Variants in PACRG observed in about 807,000 individuals in gnomAD.
The protein encoded by PACRG is parkin coregulated gene protein.
In PACRG, 29 loss-of-function variants were observed where a neutral mutation model predicts 29.7. That is an observed-to-expected ratio of 0.98 (90% CI 0.73 to 1.33). The LOEUF (loss-of-function observed/expected upper bound fraction) is 1.33. Among genes scored for constraint, PACRG ranks in the 40% most tolerant of loss-of-function variants. The pLI is 0.00. For synonymous variants in PACRG, 116 were observed against 118.7 expected (o/e 0.98, Z 0.15); for missense variants, 279 against 316.2 (o/e 0.88, Z 0.89).
At chr6:163,073,691 G>A (rs1812283951) in intron 3 of PACRG, among the ~76,000 whole-genome samples, 1 of 152,154 alleles carries the variant, frequency 6.6e-6, no homozygotes, top group Non-Finnish European at 1.5e-5. Context: ...CATCTGACAA[G>A]GGATTAACAG....
intron 4 of PACRG, among the ~76,000 whole-genome samples, chr6:163,256,217 T>G (rs1314576374): frequency 6.6e-6 from 1 of 152,226 alleles, no homozygotes; most frequent in Non-Finnish European, 1.5e-5. Context: ...CCTCCCCCAC[T>G]GCTTTGTACT....
intron 2 of PACRG, among the ~76,000 whole-genome samples, chr6:163,019,253 G>C (rs537433224): frequency 6.6e-6 from 1 of 152,254 alleles, no homozygotes. Context: ...TCTTTTAGAA[G>C]GGAGGATTGG....
intron 1 of PACRG, among the ~76,000 whole-genome samples, chr6:162,760,911 A>G (rs1169028458): frequency 6.6e-6 from 1 of 152,216 alleles, no homozygotes. Context: ...ATGGGGACTC[A>G]GATGAGGGTT....
chr6:162,904,564 A>G (rs1179338507), intron 2 of PACRG, among the ~76,000 whole-genome samples: 2 of 151,898 alleles, frequency 1.3e-5, no homozygotes, highest in African/African-American at 4.8e-5. Context: ...AGCAACTAAG[A>G]CTCTTGATGA....
At chr6:162,744,626 G>A (rs1272147395) in intron 1 of PACRG, among the ~76,000 whole-genome samples, 4 of 152,182 alleles carry the variant, frequency 2.6e-5, no homozygotes, top group East Asian at 3.9e-4. Flanking sequence ...TATAAGTTGT[G>A]TATAGTAAGA....
chr6:162,729,584 A>G (rs1779587547), intron 1 of PACRG, among the ~76,000 whole-genome samples: 1 of 152,174 alleles, frequency 6.6e-6, no homozygotes. Flanking sequence ...GGAATTTCAC[A>G]TAAATTGGTT....
chr6:162,747,749 T>A (rs1781199955), intron 1 of PACRG, among the ~76,000 whole-genome samples: 1 of 151,630 alleles, frequency 6.6e-6, no homozygotes, highest in Non-Finnish European at 1.5e-5. Context: ...ACATAGACAA[T>A]AATTTTACTC....
At chr6:163,147,621 A>T (rs1317865132) in intron 4 of PACRG, among the ~76,000 whole-genome samples, 1 of 152,146 alleles carries the variant, frequency 6.6e-6, no homozygotes, top group Non-Finnish European at 1.5e-5. Context: ...CTTTCCTAAA[A>T]CCCACCTTTT....
At chr6:163,001,046 A>C (rs113065656) in intron 2 of PACRG, among the ~76,000 whole-genome samples, 3,235 of 152,244 alleles carry the variant, frequency 0.021, 112 homozygotes, top group African/African-American at 0.074. Context: ...CTGTCTGCAG[A>C]GGTGGTGGCA....
At chr6:163,189,681 C>T (rs1780112673) in intron 4 of PACRG, 1 of 152,178 alleles carries the variant, frequency 6.6e-6, no homozygotes, top group Non-Finnish European at 1.5e-5. Flanking sequence ...AAATTAATTC[C>T]ATTTAGGTTT....
At chr6:162,947,592 A>ATATATATATG (rs1168821032) in intron 2 of PACRG, among the ~76,000 whole-genome samples, 1 of 46,084 alleles carries the variant, frequency 2.2e-5, no homozygotes, top group Admixed American at 3.6e-4. Context: ...TCATATATAT[A>ATATATATATG]ATCATATATA....
At chr6:163,044,849 G>A (rs1809162768) in intron 2 of PACRG, 1 of 152,122 alleles carries the variant, frequency 6.6e-6, no homozygotes, top group Non-Finnish European at 1.5e-5. Context: ...ATCCATTAAG[G>A]TTTTTATTTC....
rs1235363823 is a variant in PACRG, at chr6:162,976,814, A to G, written c.292-85336A>G. Among the ~76,000 whole-genome samples the G allele has an allele frequency of 2.0e-5, 3 of 152,180 alleles. No homozygotes were observed. The East Asian group carries it at 5.8e-4, about 29-fold the overall frequency. ...AATTATTTTGTTATATAATTATGTCACACAACAACAAAATCAAGATATTCT... is the reference window on the plus strand; with the variant it reads ...AATTATTTTGTTATATAATTATGTCGCACAACAACAAAATCAAGATATTCT... On this transcript the variant is annotated intron_variant, in intron 2 of 4. Transcript: ENST00000366888.
chr6:162,941,360 G>C (rs1388603743), intron 2 of PACRG, among the ~76,000 whole-genome samples: 1 of 152,098 alleles, frequency 6.6e-6, no homozygotes, highest in Non-Finnish European at 1.5e-5. Flanking sequence ...TCCCTTCCAC[G>C]TGTGCCACAT....
At chr6:163,072,164 T>C (rs997670721) in intron 3 of PACRG, among the ~76,000 whole-genome samples, 1 of 150,906 alleles carries the variant, frequency 6.6e-6, no homozygotes, top group Non-Finnish European at 1.5e-5. Context: ...CCCAAGCTAA[T>C]GTCACTAATA....
intron 4 of PACRG, among the ~76,000 whole-genome samples, chr6:163,093,592 TC>T: frequency 6.6e-6 from 1 of 152,324 alleles, no homozygotes; most frequent in Admixed American, 6.5e-5. Flanking sequence ...ATTAGGGCTC[TC>T]CGACAGGCCT....
intron 1 of PACRG, among the ~76,000 whole-genome samples, chr6:162,765,350 C>T (rs1782696921): frequency 6.6e-6 from 1 of 152,166 alleles, no homozygotes; most frequent in Non-Finnish European, 1.5e-5. Context: ...TACTCTGACT[C>T]AGTACCCAGT....
chr6:162,776,118 G>A (rs1226952031), intron 1 of PACRG, among the ~76,000 whole-genome samples: 2 of 152,060 alleles, frequency 1.3e-5, no homozygotes, highest in Non-Finnish European at 2.9e-5. Context: ...CATTGTCCCC[G>A]ACATCTTTGC....
At position 162,878,772 on chromosome 6, in the gene PACRG, C is replaced by T. The variant is rs116146733; in HGVS notation, c.291+64491C>T. Among the ~76,000 whole-genome samples the T allele has an allele frequency of 7.7e-3, 1,172 of 152,218 alleles. 14 individuals are homozygous for T. Among genetic ancestry groups the T allele is most frequent in the African/African-American group, 0.026 (1,084 of 41,532 alleles). On this transcript the variant is annotated intron_variant, in intron 2 of 4. Transcript: ENST00000366888. ...GATTTCCCCAATATGTTGTTTCTAG[C>T]GGTAGTTTACCGTGATTTGTAGTAT...
Sources: allele counts gnomAD v4.1 joint callset (sites outside exome capture counted in the v4.1 genomes callset), GRCh38; gene constraint gnomAD v4.1.1; transcripts MANE v1.5; gene names NCBI Gene and HGNC (gene_info 2026-07-23, HGNC 2026-07-21).